Variants in BLTP1 observed in about 807,000 individuals in gnomAD.
BLTP1 encodes bridge-like lipid transfer protein family member 1, also known as fragile site-associated protein.
At chr4:122,238,281 C>T in the BLTP1 span, 61 of 1,614,140 alleles carry the variant, frequency 3.8e-5, no homozygotes, top group East Asian at 2.9e-4. Context: ...AGTCCTTCAT[C>T]TGTTGCTGAT....
chr4:122,226,231 C>A, the BLTP1 span: 1 of 172,514 alleles, frequency 5.8e-6, no homozygotes, highest in Non-Finnish European at 1.1e-5. Flanking sequence ...TATATACTTA[C>A]TTAAGCTTCT....
the BLTP1 span, chr4:122,293,214 A>T: frequency 1.0e-6 from 1 of 976,352 alleles, no homozygotes; most frequent in Non-Finnish European, 1.2e-6. Context: ...TTATACTATG[A>T]AATAAAACTT....
At chr4:122,187,684 A>C in the BLTP1 span, among the ~76,000 whole-genome samples, 1 of 152,034 alleles carries the variant, frequency 6.6e-6, no homozygotes, top group East Asian at 1.9e-4. Context: ...GTTTTCTGAT[A>C]AATTTGTGTT....
chr4:122,247,446 A>G, the BLTP1 span: 2 of 1,425,564 alleles, frequency 1.4e-6, no homozygotes, highest in African/African-American at 1.4e-5. Context: ...TCCTTTGACT[A>G]TTGCTACAAT....
At chr4:122,192,191 T>A in the BLTP1 span, 45 of 1,595,786 alleles carry the variant, frequency 2.8e-5, 1 homozygote, top group Non-Finnish European at 3.8e-5. Context: ...ATGGCCATTT[T>A]AAATAACTGC....
the BLTP1 span, chr4:122,153,838 A>G: frequency 4.3e-6 from 1 of 231,962 alleles, no homozygotes; most frequent in Non-Finnish European, 7.1e-6. Context: ...TGGAAGTTGT[A>G]GTTTTATTTT....
chr4:122,274,370 CTT>C, the BLTP1 span: 1 of 1,587,152 alleles, frequency 6.3e-7, no homozygotes, highest in African/African-American at 1.3e-5. Context: ...ATGACTGAGA[CTT>C]GTGCTACTGC....
At chr4:122,226,493 AT>A in the BLTP1 span, 1 of 1,326,242 alleles carries the variant, frequency 7.5e-7, no homozygotes, top group African/African-American at 1.5e-5. Flanking sequence ...TTGACAGTGC[AT>A]TTTGTCATTC....
the BLTP1 span, among the ~76,000 whole-genome samples, chr4:122,326,604 G>A: frequency 7.3e-5 from 11 of 151,638 alleles, no homozygotes; most frequent in Non-Finnish European, 1.2e-4. Flanking sequence ...TTACACGAAT[G>A]GAGTGGGTTC....
chr4:122,319,066 G>T, the BLTP1 span, among the ~76,000 whole-genome samples: 1 of 151,980 alleles, frequency 6.6e-6, no homozygotes, highest in Admixed American at 6.6e-5. Flanking sequence ...AGGGTCTGTT[G>T]TTGTATACCC....
the BLTP1 span, chr4:122,293,306 G>A: frequency 2.7e-6 from 1 of 372,668 alleles, no homozygotes; most frequent in Non-Finnish European, 3.7e-6. Flanking sequence ...AGTGAATTCA[G>A]CACTTTCAAC....
the BLTP1 span, among the ~76,000 whole-genome samples, chr4:122,318,491 C>T: frequency 6.6e-6 from 1 of 152,170 alleles, no homozygotes; most frequent in African/African-American, 2.4e-5. Flanking sequence ...AGCTAGTAAT[C>T]CTGGGGAAGA....
chr4:122,344,233 C>T, the BLTP1 span: 1 of 886,560 alleles, frequency 1.1e-6, no homozygotes, highest in Non-Finnish European at 1.6e-6. Context: ...TGCTAATGCT[C>T]ATTAGATCCC....
the BLTP1 span, among the ~76,000 whole-genome samples, chr4:122,157,852 C>T: frequency 5.5e-4 from 84 of 152,272 alleles, no homozygotes; most frequent in East Asian, 0.013. Context: ...CCATTTGGCT[C>T]TCTGCCTAGC....
At chr4:122,204,357 A>G in the BLTP1 span, 45 of 943,406 alleles carry the variant, frequency 4.8e-5, no homozygotes, top group Non-Finnish European at 5.4e-5. Flanking sequence ...AGTTTTAACT[A>G]AAATAGGATA....
chr4:122,289,030 G>GA, the BLTP1 span: 1 of 1,545,380 alleles, frequency 6.5e-7, no homozygotes, highest in Non-Finnish European at 8.8e-7. Context: ...ATTTATGTAA[G>GA]AAAAAAGTGT....
the BLTP1 span, chr4:122,227,851 T>C: frequency 3.9e-5 from 6 of 151,930 alleles, no homozygotes; most frequent in East Asian, 1.2e-3. Flanking sequence ...CGCACATACC[T>C]TTAGGTGCCT....
the BLTP1 span, chr4:122,226,744 T>C: frequency 6.2e-7 from 1 of 1,613,580 alleles, no homozygotes; most frequent in East Asian, 2.2e-5. Context: ...ACATTTGTTT[T>C]TCATGTGGTA....
the BLTP1 span, chr4:122,250,483 C>G: frequency 1.2e-6 from 2 of 1,613,634 alleles, no homozygotes; most frequent in Non-Finnish European, 1.7e-6. Flanking sequence ...CCGGCAGTGG[C>G]TATAATACTG....
Sources: gnomAD v4.1 joint callset for allele counts (sites outside exome capture counted in the v4.1 genomes callset) on GRCh38, gnomAD v4.1.1 for gene constraint, MANE v1.5 for transcripts, NCBI Gene and HGNC (gene_info 2026-07-23, HGNC 2026-07-21) for gene names.